Variants in SLC6A11 observed in about 807,000 individuals in gnomAD.
SLC6A11 encodes the protein sodium- and chloride-dependent GABA transporter 3.
Under a neutral mutation model 74.8 loss-of-function variants are expected in SLC6A11, and 25 were observed. That is an observed-to-expected ratio of 0.33 (90% confidence interval 0.24 to 0.47). The LOEUF (loss-of-function observed/expected upper bound fraction) is 0.47, where lower values mean the gene tolerates loss of function less well. Ranked by LOEUF, SLC6A11 falls within the 20% of genes least tolerant of loss-of-function variation. SLC6A11 has a pLI of 1.00. For missense variants in SLC6A11, 574 were observed against 837.0 expected (o/e 0.69, Z 3.88); for synonymous variants, 330 against 330.2 (o/e 1.00, Z 0.01).
intron 8 of SLC6A11, among the ~76,000 whole-genome samples, chr3:10,922,612 G>A (rs1378699397): frequency 6.6e-6 from 1 of 152,156 alleles, no homozygotes; most frequent in Admixed American, 6.5e-5. Flanking sequence ...ATGGGAATGA[G>A]GGAGGAAGAA....
rs1311761200 is a variant in SLC6A11 at position 10,935,262 on chromosome 3, C to T, written c.1746+63C>T. Reference sequence around the variant, plus strand: ...GGTTCGCGCCTTGGGTCCCAGTTTCCTCATCTGCATGGTGCGCGATGACGG... The same window carrying T: ...GGTTCGCGCCTTGGGTCCCAGTTTCTTCATCTGCATGGTGCGCGATGACGG... On this transcript the variant is annotated intron_variant, in intron 13 of 13. Transcript: ENST00000254488. The T allele has an allele frequency of 4.0e-6, 6 of 1,494,294 alleles. No individual in the cohort carries two copies. In the African/African-American group the frequency reaches 4.1e-5, roughly 10 times the overall value. The allele number at this position is 1,494,294 out of a possible 1,614,324, so 92.6% of individuals were successfully genotyped here.
chr3:10,864,390 C>A (rs757784634), intron 5 of SLC6A11, among the ~76,000 whole-genome samples: 1 of 151,590 alleles, frequency 6.6e-6, no homozygotes, highest in East Asian at 2.0e-4. Flanking sequence ...CAGCAACTTT[C>A]CCCCCAGTAA....
intron 6 of SLC6A11, among the ~76,000 whole-genome samples, chr3:10,888,644 G>A (rs1386490922): frequency 6.6e-6 from 1 of 152,240 alleles, no homozygotes; most frequent in East Asian, 1.9e-4. Flanking sequence ...GGGATGAAAT[G>A]GTGGTGTTTT....
intron 7 of SLC6A11, among the ~76,000 whole-genome samples, chr3:10,917,215 T>G (rs1695468205): frequency 6.6e-6 from 1 of 152,184 alleles, no homozygotes; most frequent in South Asian, 2.1e-4. Flanking sequence ...CAGGCTGTTT[T>G]GGAGGGTAAA....
At chr3:10,892,839 A>G (rs146421843) in intron 6 of SLC6A11, among the ~76,000 whole-genome samples, 1 of 152,330 alleles carries the variant, frequency 6.6e-6, no homozygotes, top group Non-Finnish European at 1.5e-5. Context: ...AAGGTTATAG[A>G]TGACAGTGCA....
chr3:10,862,680 T>C (rs1016187223), intron 5 of SLC6A11, among the ~76,000 whole-genome samples: 3 of 152,204 alleles, frequency 2.0e-5, no homozygotes, highest in Non-Finnish European at 4.4e-5. Context: ...TCTGGAGCAA[T>C]GGGAACATGC....
intron 6 of SLC6A11, among the ~76,000 whole-genome samples, chr3:10,906,248 G>A (rs1695300733): frequency 6.6e-6 from 1 of 151,912 alleles, no homozygotes; most frequent in South Asian, 2.1e-4. Context: ...AGATAAGGTG[G>A]CAACAGAAAA....
chr3:10,936,472 T>C (rs1056398350), intron 13 of SLC6A11, among the ~76,000 whole-genome samples: 2 of 151,752 alleles, frequency 1.3e-5, no homozygotes, highest in African/African-American at 4.8e-5. Flanking sequence ...GGAGTGGGGG[T>C]ATGCAGAGCC....
At chr3:10,857,566 G>A (rs1016275016) in intron 5 of SLC6A11, among the ~76,000 whole-genome samples, 1 of 152,068 alleles carries the variant, frequency 6.6e-6, no homozygotes, top group Non-Finnish European at 1.5e-5. Flanking sequence ...TAATTCACTC[G>A]GCTGAAGCCA....
chr3:10,841,154 G>A (rs1022750789), intron 4 of SLC6A11, among the ~76,000 whole-genome samples: 1 of 152,182 alleles, frequency 6.6e-6, no homozygotes, highest in Non-Finnish European at 1.5e-5. Context: ...CCTCTGCAGA[G>A]CCCCATCTAG....
chr3:10,823,825 T>C, intron 4 of SLC6A11: 1 of 171,506 alleles, frequency 5.8e-6, no homozygotes, highest in Non-Finnish European at 1.3e-5. Flanking sequence ...GGAGATCAAA[T>C]TTAATGGATA....
intron 6 of SLC6A11, among the ~76,000 whole-genome samples, chr3:10,884,772 T>C (rs1575689012): frequency 6.6e-6 from 1 of 152,324 alleles, no homozygotes; most frequent in South Asian, 2.1e-4. Context: ...TTCTCTGTGG[T>C]AACCTTGTCA....
At chr3:10,851,286 A>G (rs1694572441) in intron 5 of SLC6A11, among the ~76,000 whole-genome samples, 1 of 151,686 alleles carries the variant, frequency 6.6e-6, no homozygotes, top group Non-Finnish European at 1.5e-5. Context: ...GCCTCCTCCT[A>G]TTGCCACTTT....
chr3:10,860,109 T>C (rs1694685925), intron 5 of SLC6A11, among the ~76,000 whole-genome samples: 1 of 152,254 alleles, frequency 6.6e-6, no homozygotes. Context: ...CACCAATGAT[T>C]TCTATTTTCT....
At chr3:10,858,303 G>A (rs1366073735) in intron 5 of SLC6A11, among the ~76,000 whole-genome samples, 2 of 152,146 alleles carry the variant, frequency 1.3e-5, no homozygotes, top group African/African-American at 4.8e-5. Flanking sequence ...AAAAATCTTC[G>A]AGGATATATG....
At chr3:10,839,097 T>C (rs1005216790) in intron 4 of SLC6A11, among the ~76,000 whole-genome samples, 3 of 152,140 alleles carry the variant, frequency 2.0e-5, no homozygotes, top group African/African-American at 7.2e-5. Flanking sequence ...CGTAAGGGCC[T>C]TCACTTCTTT....
At chr3:10,888,920 C>T (rs1285173538) in intron 6 of SLC6A11, among the ~76,000 whole-genome samples, 5 of 152,110 alleles carry the variant, frequency 3.3e-5, no homozygotes. Context: ...ACCAAGTATC[C>T]ATTCTTGCTA....
intron 5 of SLC6A11, among the ~76,000 whole-genome samples, chr3:10,873,489 CCT>C (rs1694858825): frequency 7.9e-6 from 1 of 125,932 alleles, no homozygotes; most frequent in African/African-American, 3.3e-5. Context: ...CATACCCTAC[CCT>C]ATGCTATCCT....
In SLC6A11 at chr3:10,816,228, G is replaced by T; in HGVS notation, c.-38G>T. On this transcript the variant is annotated 5_prime_UTR_variant, in exon 1 of 14. Transcript: ENST00000254488. This position sits in a 1 kb window ranked among gnomAD's most constrained non-coding sequence, Gnocchi z 4.2. ...AAGCCAGCTCGCCCGGGGCGGCGGC[G>T]CAGAGCCGGGCCGGCGCACGAGGCA... 7.9e-7 allele frequency: 1 copy of T among 1,269,168 alleles called. No individual in the cohort carries two copies. The highest frequency in any genetic ancestry group is 9.9e-7 in the Non-Finnish European group (1 of 1,011,660). The allele number at this position is 1,269,168 out of a possible 1,614,324, so 78.6% of individuals were successfully genotyped here.
Sources: allele counts gnomAD v4.1 joint callset (sites outside exome capture counted in the v4.1 genomes callset), GRCh38; gene constraint gnomAD v4.1.1; non-coding constraint Gnocchi (gnomAD v3.1); transcripts MANE v1.5; gene names NCBI Gene and HGNC (gene_info 2026-07-23, HGNC 2026-07-21).